Variants in ROR1 observed in about 807,000 individuals in gnomAD.
ROR1 encodes the protein ROR family WNT receptor 1.
In ROR1, 19 loss-of-function variants were observed where a neutral mutation model predicts 78.8. The observed-to-expected ratio is 0.24, with a 90% CI of 0.17 to 0.35. The LOEUF (loss-of-function observed/expected upper bound fraction) is 0.35, where lower values mean the gene tolerates loss of function less well. ROR1 is among the 10% of genes least tolerant of loss of function. The probability of loss-of-function intolerance (pLI) is 1.00; values close to 1 mark genes in which losing one functional copy is unlikely to be tolerated. For synonymous variants in ROR1, 386 were observed against 433.6 expected (o/e 0.89, Z 1.36); for missense variants, 917 against 1,177.8 (o/e 0.78, Z 3.24).
intron 1 of ROR1, among the ~76,000 whole-genome samples, chr1:63,899,939 G>A (rs907797091): frequency 2.0e-5 from 3 of 151,792 alleles, no homozygotes; most frequent in Non-Finnish European, 4.4e-5. Context: ...GACACCATAT[G>A]GGAGGCTTTT....
chr1:63,851,537 T>TA (rs1375055161), intron 1 of ROR1, among the ~76,000 whole-genome samples: 1 of 152,032 alleles, frequency 6.6e-6, no homozygotes, highest in Admixed American at 6.6e-5. Flanking sequence ...TAAAATTATG[T>TA]AAAAAAAGAC....
intron 1 of ROR1, among the ~76,000 whole-genome samples, chr1:63,990,760 G>T (rs946158395): frequency 6.6e-6 from 1 of 151,916 alleles, no homozygotes; most frequent in Non-Finnish European, 1.5e-5. Flanking sequence ...TTAAAAAAAG[G>T]TAAAAGCCAG....
At chr1:64,073,892 T>G (rs1042783740) in intron 4 of ROR1, among the ~76,000 whole-genome samples, 5 of 152,212 alleles carry the variant, frequency 3.3e-5, no homozygotes, top group Non-Finnish European at 7.3e-5. Context: ...AAGCTCCCCT[T>G]TGTAGCTCTG....
At chr1:63,789,328 G>A in intron 1 of ROR1, 1 of 475,996 alleles carries the variant, frequency 2.1e-6, no homozygotes, top group Non-Finnish European at 3.9e-6. Context: ...GCAGTGAAAG[G>A]TGAGTGATCT....
chr1:64,090,923 A>T (rs1342635456), intron 4 of ROR1, among the ~76,000 whole-genome samples: 1 of 152,160 alleles, frequency 6.6e-6, no homozygotes, highest in African/African-American at 2.4e-5. Context: ...GCCTATTGTC[A>T]TCATGGACAT....
chr1:63,972,280 A>T (rs1336643087), intron 1 of ROR1, among the ~76,000 whole-genome samples: 3 of 152,088 alleles, frequency 2.0e-5, no homozygotes, highest in Non-Finnish European at 4.4e-5. Context: ...TTTCATCCTC[A>T]CTTTTCCGAT....
At chr1:63,811,978 T>TTTTTA (rs1644862731) in intron 1 of ROR1, among the ~76,000 whole-genome samples, 2 of 150,168 alleles carry the variant, frequency 1.3e-5, no homozygotes, top group South Asian at 2.1e-4. Context: ...TTTTTTTTTT[T>TTTTTA]GAGACAGAGT....
At chr1:64,038,116 C>T (rs150383930) in intron 2 of ROR1, among the ~76,000 whole-genome samples, 53 of 152,268 alleles carry the variant, frequency 3.5e-4, no homozygotes, top group African/African-American at 1.2e-3. Flanking sequence ...ACAGGTCCCC[C>T]CTCCATGTCC....
chr1:63,966,706 T>G (rs923863339), intron 1 of ROR1, among the ~76,000 whole-genome samples: 3 of 152,200 alleles, frequency 2.0e-5, no homozygotes, highest in Non-Finnish European at 4.4e-5. Flanking sequence ...TAATTACTTT[T>G]TCTGTTTGTT....
At chr1:64,034,299 C>G (rs1646683982) in intron 2 of ROR1, among the ~76,000 whole-genome samples, 1 of 152,002 alleles carries the variant, frequency 6.6e-6, no homozygotes, top group Admixed American at 6.6e-5. Context: ...TAAATTACTG[C>G]CACTTTGTTT....
intron 1 of ROR1, among the ~76,000 whole-genome samples, chr1:63,993,064 C>T (rs1040308202): frequency 2.0e-5 from 3 of 152,156 alleles, no homozygotes; most frequent in Non-Finnish European, 2.9e-5. Context: ...GGACATGCAG[C>T]GATACCTAAG....
intron 7 of ROR1, among the ~76,000 whole-genome samples, chr1:64,155,221 G>C (rs1459043841): frequency 1.3e-5 from 2 of 152,066 alleles, no homozygotes; most frequent in Non-Finnish European, 2.9e-5. Context: ...CAAATGCTCG[G>C]ACTTCAAAAA....
chr1:63,974,975 G>T (rs769687883), intron 1 of ROR1, among the ~76,000 whole-genome samples: 1 of 152,170 alleles, frequency 6.6e-6, no homozygotes, highest in Non-Finnish European at 1.5e-5. Context: ...TGTAAAGTGG[G>T]ATTGCACTCA....
intron 1 of ROR1, among the ~76,000 whole-genome samples, chr1:63,956,835 C>CA (rs1196435176): frequency 6.6e-6 from 1 of 152,182 alleles, no homozygotes; most frequent in African/African-American, 2.4e-5. Flanking sequence ...TCTTAAACTT[C>CA]AAAATGGTTA....
intron 1 of ROR1, among the ~76,000 whole-genome samples, chr1:63,922,636 C>T (rs59280629): frequency 0.023 from 3,549 of 152,182 alleles, 150 homozygotes; most frequent in African/African-American, 0.081. Flanking sequence ...TAGAGGAGAG[C>T]GGCAACTGAA....
intron 4 of ROR1, among the ~76,000 whole-genome samples, chr1:64,124,641 C>G (rs1648650893): frequency 6.6e-6 from 1 of 152,182 alleles, no homozygotes; most frequent in South Asian, 2.1e-4. Flanking sequence ...CTGGACTAAT[C>G]AAGACTATGT....
At chr1:64,152,747 CAGTT>C (rs1649663847) in intron 7 of ROR1, among the ~76,000 whole-genome samples, 1 of 152,120 alleles carries the variant, frequency 6.6e-6, no homozygotes. Context: ...CATAATTAAA[CAGTT>C]AGGTATCTTT....
At position 64,162,031 on chromosome 1, in the gene ROR1, G is replaced by A. The variant is rs1340059800; in HGVS notation, c.1386+2839G>A. Among the ~76,000 whole-genome samples the A allele has an allele frequency of 2.0e-5, 3 of 152,028 alleles. No homozygotes were observed. In the East Asian group the frequency reaches 5.8e-4, roughly 29 times the overall value. ...TACATGTACCTATAAAATCTAAAAG[G>A]AAAGGACACACATAAGAAAGAAACA... On this transcript the variant is annotated intron_variant, in intron 8 of 8. Transcript: ENST00000371079.
intron 1 of ROR1, among the ~76,000 whole-genome samples, chr1:63,838,612 A>G (rs767623457): frequency 1.6e-4 from 25 of 152,336 alleles, no homozygotes; most frequent in Non-Finnish European, 1.9e-4. Context: ...AGTTAAAAAA[A>G]TAAAAAGTTT....
Sources: gnomAD v4.1 joint callset for allele counts (sites outside exome capture counted in the v4.1 genomes callset) on GRCh38, gnomAD v4.1.1 for gene constraint, MANE v1.5 for transcripts, NCBI Gene and HGNC (gene_info 2026-07-23, HGNC 2026-07-21) for gene names.